The following ANK1 variants were observed in gnomAD, a reference collection of about 807,000 sequenced individuals.
ANK1 encodes the protein ankyrin-1.
ANK1 carries 51 observed loss-of-function variants against 210.4 expected under a neutral mutation model. The ratio of observed to expected loss-of-function variants is 0.24; its 90% CI spans 0.19 to 0.31. The LOEUF (loss-of-function observed/expected upper bound fraction) is 0.31, where lower values mean the gene tolerates loss of function less well. Ranked by LOEUF, ANK1 falls within the 10% of genes least tolerant of loss-of-function variation. The pLI, the probability that ANK1 is intolerant of heterozygous loss-of-function variation, is 1.00. For missense variants in ANK1, 2,051 were observed against 2,504.4 expected, an observed-to-expected ratio of 0.82 and a Z score of 3.86; for synonymous variants, 967 against 1,025.9, an observed-to-expected ratio of 0.94 and a Z score of 1.10.
chr8:41,758,482 A>G (rs1586746448), intron 1 of ANK1, among the ~76,000 whole-genome samples: 2 of 152,030 alleles, frequency 1.3e-5, no homozygotes, highest in East Asian at 1.9e-4. Flanking sequence ...ACAGGTGTGT[A>G]CCACCAAGCC....
chr8:41,771,074 A>C (rs1842872701), intron 1 of ANK1, among the ~76,000 whole-genome samples: 1 of 152,244 alleles, frequency 6.6e-6, no homozygotes. Context: ...TGGTGTTAGA[A>C]GAATGATGTC....
At chr8:41,719,590 C>T in intron 10 of ANK1, 71 bp downstream of exon 10, 2 of 1,598,288 alleles carry the variant, frequency 1.3e-6, no homozygotes, top group Non-Finnish European at 1.7e-6. Context: ...ACAGGCCCAG[C>T]CATGCCTCTC....
chr8:41,738,012 TA>T (rs1356018771), intron 2 of ANK1, among the ~76,000 whole-genome samples: 1 of 151,966 alleles, frequency 6.6e-6, no homozygotes, highest in Non-Finnish European at 1.5e-5. Context: ...CACGGATGCA[TA>T]AAAAATAAAT....
intron 2 of ANK1, among the ~76,000 whole-genome samples, chr8:41,747,324 T>C (rs527959893): frequency 6.6e-5 from 10 of 152,096 alleles, no homozygotes; most frequent in African/African-American, 2.4e-4. Context: ...GAGAGGCAAA[T>C]CTTCCTCAAG....
In ANK1 at chr8:41,672,964, C is replaced by G. The variant is rs499295; in HGVS notation, c.4538-52G>C. ...GCTCCAGCAGTGATTCCTGTCCCAC[C>G]CATTCACGTGCAGGTCCACGCACAC... On this transcript the variant is annotated intron_variant, in intron 37 of 42. Transcript: ENST00000289734. The G allele has an allele frequency of 0.99, 1,512,960 of 1,526,448 alleles. 750,552 individuals are homozygous for G. The highest frequency in any genetic ancestry group is 1 in the East Asian group (43,088 of 43,088). 94.6% of individuals were successfully genotyped at this position (1,526,448 alleles called of 1,614,324 possible). A position where few individuals can be genotyped will look rare whatever the true frequency, so the allele number is the denominator to read the frequency against.
intron 1 of ANK1, among the ~76,000 whole-genome samples, chr8:41,813,746 T>C (rs1802843196): frequency 6.6e-6 from 1 of 152,228 alleles, no homozygotes; most frequent in Non-Finnish European, 1.5e-5. Flanking sequence ...CTGTAATACC[T>C]GTAGATTGGG....
At position 41,704,159 on chromosome 8, in the gene ANK1, T is replaced by C; in HGVS notation, c.2197-20A>G. The C allele has an allele frequency of 6.2e-7, 1 of 1,608,682 alleles. No homozygotes were observed. Among genetic ancestry groups the C allele is most frequent in the Non-Finnish European group, 8.5e-7 (1 of 1,176,044 alleles). ...TCCTAGCTGCAAAGTGAGCAGACAT[T>C]TAGGCAGGGTTAGCCAGCCACTAGA... On this transcript the variant is annotated intron_variant, in intron 19 of 42. Transcript: ENST00000289734. This position sits in a 1 kb window ranked among gnomAD's most constrained non-coding sequence, Gnocchi z 4.1.
rs1182546869 is a variant in ANK1 at position 41,699,490 on chromosome 8, C to T, written c.2520G>A (p.Glu840=). The change falls in exon 23 of 43, where the codon GAG becomes GAA. Residue 840 remains glutamate (E), a synonymous_variant. Coordinates refer to ENST00000289734, the MANE Select transcript of ANK1 (RefSeq NM_000037.4). ...TCGGCACAAAATCCAGCAGCTCCTT[C>T]TCTTCATCAACATCCCTGGAATCCC... The part of the protein sequence containing the change: ...ERRDSRDVDE[E]KELLDFVPKL... The T allele has an allele frequency of 2.5e-6, 4 of 1,614,082 alleles. No homozygotes were observed. In the Admixed American group the frequency reaches 6.7e-5, roughly 27 times the overall value.
At chr8:41,723,686 G>A in intron 7 of ANK1, 53 bp from the exon 8 acceptor site, 2 of 1,543,232 alleles carry the variant, frequency 1.3e-6, no homozygotes, top group Non-Finnish European at 1.8e-6. Flanking sequence ...CTGGAATGCA[G>A]CTGCTGTGCA....
At chr8:41,663,613 G>A in intron 40 of ANK1, 46 bp downstream of exon 40, 1 of 1,567,468 alleles carries the variant, frequency 6.4e-7, no homozygotes, top group Non-Finnish European at 8.8e-7. Context: ...TTAGCTTCTA[G>A]CCCACCTGCC....
Position 41,819,363 on chromosome 8 carries a change from C to A in ANK1, c.127-61226G>T, listed in dbSNP as rs73675140. 7.1e-3 allele frequency among the ~76,000 whole-genome samples: 1,087 copies of A among 152,310 alleles called. 19 individuals are homozygous for A. The highest frequency in any genetic ancestry group is 0.025 in the African/African-American group (1,045 of 41,566). On this transcript the variant is annotated intron_variant, in intron 1 of 42. Coordinates refer to the ANK1 transcript ENST00000265709. The stretch of plus-strand genomic sequence containing the variant: ...TCCAATAAGTCTTTTCAAAGAAAGA[C>A]CCAGAGGTAACTTGCAGGTTTAGAA...
At chr8:41,878,046 A>G (rs550001289) in intron 1 of ANK1, among the ~76,000 whole-genome samples, 79 of 152,374 alleles carry the variant, frequency 5.2e-4, no homozygotes, top group African/African-American at 1.8e-3. Context: ...GTCAACTGAA[A>G]GCATGTGCAT....
intron 2 of ANK1, among the ~76,000 whole-genome samples, chr8:41,749,964 A>G (rs1000370750): frequency 6.6e-6 from 1 of 152,238 alleles, no homozygotes; most frequent in Non-Finnish European, 1.5e-5. Context: ...ATACAGCATA[A>G]GATGATATTC....
upstream of ANK1, among the ~76,000 whole-genome samples, chr8:41,798,757 G>A (rs1244510272): frequency 1.3e-5 from 2 of 152,098 alleles, no homozygotes; most frequent in Non-Finnish European, 2.9e-5. Flanking sequence ...TTCCTCTAGG[G>A]GTGGGTGTCA....
At position 41,661,522 on chromosome 8, in the gene ANK1, C is replaced by T; in HGVS notation, c.5587G>A (p.Gly1863Ser). 1 of 1,614,084 alleles carries T rather than the reference C, an allele frequency of 6.2e-7. No individual in the cohort carries two copies. Among genetic ancestry groups the T allele is most frequent in the South Asian group, 1.1e-5 (1 of 91,076 alleles). ...TTCACTATCTGCGCCCCCTTCCTGC[C>T]CTCTATCAGGTCCGGCTGTAGGCCA... ...GSGLQPDLIE[G>S]RKGAQIVKRA... Residue 1863 changes from glycine to serine, a missense_variant, in exon 42 of 43, where the codon GGC becomes AGC. Transcript: ENST00000289734.
Position 41,672,811 on chromosome 8 carries a change from G to A in ANK1, c.4639C>T (p.Leu1547=). 1.2e-6 allele frequency: 2 copies of A among 1,608,558 alleles called. No homozygotes were observed. The highest frequency in any genetic ancestry group is 1.7e-6 in the Non-Finnish European group (2 of 1,176,454). The change falls in exon 38 of 43, where the codon CTA becomes TTA. Residue 1547 remains leucine (L), a synonymous_variant. Coordinates refer to ENST00000289734, the MANE Select transcript of ANK1 (RefSeq NM_000037.4). ...GTGGCCGCCAAGGGGATGGCGTCTA[G>A]GACGGCCACCTCATTCCAGTACTGG... ...ADQYWNEVAV[L]DAIPLAATEH...
intron 1 of ANK1, among the ~76,000 whole-genome samples, chr8:41,796,099 G>A (rs190037146): frequency 6.6e-6 from 1 of 152,252 alleles, no homozygotes; most frequent in Admixed American, 6.5e-5. Flanking sequence ...TCAAGGGTGA[G>A]TTGAGTCTAT....
intron 37 of ANK1, among the ~76,000 whole-genome samples, chr8:41,677,313 AG>A (rs1453856814): frequency 6.6e-6 from 1 of 152,106 alleles, no homozygotes; most frequent in Admixed American, 6.5e-5. Flanking sequence ...GGTTTCATTA[AG>A]TTTCTCCAAG....
At chr8:41,747,446 G>A (rs943734572) in intron 2 of ANK1, among the ~76,000 whole-genome samples, 1 of 152,096 alleles carries the variant, frequency 6.6e-6, no homozygotes, top group Non-Finnish European at 1.5e-5. Flanking sequence ...CATGTTCCAC[G>A]GACCTTGATA....
Sources: gnomAD v4.1 joint callset for allele counts (sites outside exome capture counted in the v4.1 genomes callset) on GRCh38, gnomAD v4.1.1 for gene constraint, Gnocchi (gnomAD v3.1) non-coding constraint, MANE v1.5 for transcripts, NCBI Gene and HGNC (gene_info 2026-07-23, HGNC 2026-07-21) for gene names.